The following RUVBL1 variants were observed in gnomAD, a reference collection of about 807,000 sequenced individuals.
The protein encoded by RUVBL1 is RuvB like AAA ATPase 1, also known as ruvB-like 1.
In RUVBL1, 4 loss-of-function variants were observed where a neutral mutation model predicts 52.4. The ratio of observed to expected loss-of-function variants is 0.08; its 90% CI spans 0.04 to 0.17. The LOEUF (loss-of-function observed/expected upper bound fraction) is 0.17. RUVBL1 is among the 10% of genes least tolerant of loss of function. The probability of loss-of-function intolerance (pLI) is 1.00; values close to 1 mark genes in which losing one functional copy is unlikely to be tolerated. For synonymous variants in RUVBL1, 217 were observed against 214.4 expected, an observed-to-expected ratio of 1.01 and a Z score of -0.10; for missense variants, 298 against 572.8, an observed-to-expected ratio of 0.52 and a Z score of 4.90.
intron 8 of RUVBL1, among the ~76,000 whole-genome samples, chr3:128,090,772 CATAA>C (rs1229053454): frequency 6.6e-6 from 1 of 151,976 alleles, no homozygotes; most frequent in Non-Finnish European, 1.5e-5. Flanking sequence ...CTATTTAGGC[CATAA>C]GTGTTTTTTA....
downstream of RUVBL1, among the ~76,000 whole-genome samples, chr3:128,076,983 G>A (rs1401856318): frequency 6.6e-6 from 1 of 152,040 alleles, no homozygotes; most frequent in East Asian, 1.9e-4. The surrounding 1 kb of genome is among the most constrained non-coding windows in gnomAD (Gnocchi z 6.8). Context: ...CGGTGACGGC[G>A]GGTGACGGAG....
intron 3 of RUVBL1, among the ~76,000 whole-genome samples, chr3:128,106,209 C>T (rs147578110): frequency 1.3e-5 from 2 of 152,264 alleles, no homozygotes; most frequent in East Asian, 3.9e-4. Context: ...GCCATAACAA[C>T]AAAACCAATT....
intron 2 of RUVBL1, among the ~76,000 whole-genome samples, chr3:128,114,784 C>G (rs1259781207): frequency 2.0e-5 from 3 of 152,184 alleles, no homozygotes; most frequent in Non-Finnish European, 2.9e-5. Context: ...ATGAGAGGAG[C>G]AGCACTCTAA....
intron 1 of RUVBL1, among the ~76,000 whole-genome samples, chr3:128,135,657 G>C (rs1943937559): frequency 6.6e-6 from 1 of 152,254 alleles, no homozygotes; most frequent in Non-Finnish European, 1.5e-5. Context: ...AACAAGGGCT[G>C]AGGGATTTAA....
In RUVBL1 at chr3:128,087,818, G is replaced by T; in HGVS notation, c.1017-10C>A. The stretch of plus-strand genomic sequence containing the variant: ...GATGTCCTCAGTGCCTCTGTAAGGG[G>T]CAAAATTAATCCCATCACCTAAGCC... On this transcript the variant is annotated splice_polypyrimidine_tract_variant and intron_variant, in intron 8 of 10. Coordinates refer to ENST00000322623, the MANE Select transcript of RUVBL1 (RefSeq NM_003707.3). The T allele has an allele frequency of 6.3e-7, 1 of 1,596,498 alleles. No homozygotes were observed. Among genetic ancestry groups the T allele is most frequent in the Non-Finnish European group, 8.6e-7 (1 of 1,164,966 alleles).
intron 9 of RUVBL1, chr3:128,085,135 T>C (rs1304693635): frequency 6.6e-6 from 1 of 152,208 alleles, no homozygotes; most frequent in African/African-American, 2.4e-5. Flanking sequence ...AGGGTACCTA[T>C]GAAGCACACA....
chr3:128,134,458 CAAAAA>C (rs55972505), intron 1 of RUVBL1, among the ~76,000 whole-genome samples: 2 of 107,558 alleles, frequency 1.9e-5, no homozygotes, highest in Admixed American at 1.0e-4. Flanking sequence ...GTGAAACTGT[CAAAAA>C]AAAAAAAAAA....
Position 128,153,815 on chromosome 3 carries a change from T to A in RUVBL1, c.-652A>T, listed in dbSNP as rs577125673. The A allele has an allele frequency of 4.0e-6, 6 of 1,506,884 alleles. No individual in the cohort carries two copies. In the African/African-American group the frequency reaches 8.8e-5, roughly 22 times the overall value. The allele number at this position is 1,506,884 out of a possible 1,614,324, so 93.3% of individuals were successfully genotyped here. ...GGGCACGCCTCCCTCATCCGGACCATCATCGGCGGTGAGCGCGGGCCGGGG... is the reference window on the plus strand; with the variant it reads ...GGGCACGCCTCCCTCATCCGGACCAACATCGGCGGTGAGCGCGGGCCGGGG... On this transcript the variant is annotated 5_prime_UTR_variant, in exon 1 of 10. Transcript: ENST00000464873.
At chr3:128,069,822 T>A in intron 9 of RUVBL1, 1 of 711,992 alleles carries the variant, frequency 1.4e-6, no homozygotes, top group Non-Finnish European at 2.2e-6. Flanking sequence ...TTTTCCAATT[T>A]AAAATTTTGC....
At chr3:128,073,610 G>A (rs1306233194) in intron 9 of RUVBL1, among the ~76,000 whole-genome samples, 1 of 152,144 alleles carries the variant, frequency 6.6e-6, no homozygotes, top group Non-Finnish European at 1.5e-5. Flanking sequence ...TCACTCCCCT[G>A]CCCCAATCCC....
chr3:128,079,535 G>A (rs1029910584), downstream of RUVBL1, among the ~76,000 whole-genome samples: 1 of 152,182 alleles, frequency 6.6e-6, no homozygotes, highest in South Asian at 2.1e-4. Flanking sequence ...TCTCTCTTCT[G>A]TTTGTCTAAC....
intron 1 of RUVBL1, among the ~76,000 whole-genome samples, chr3:128,142,458 C>T (rs1050205083): frequency 2.0e-5 from 3 of 152,110 alleles, no homozygotes; most frequent in East Asian, 1.9e-4. Flanking sequence ...TCAATAAATA[C>T]GAACATAGAT....
intron 1 of RUVBL1, among the ~76,000 whole-genome samples, chr3:128,146,305 T>C (rs2687726): frequency 7.2e-5 from 11 of 152,124 alleles, no homozygotes; most frequent in Admixed American, 5.2e-4. Flanking sequence ...TCTCTGTGCA[T>C]GTGCGTGCGT....
chr3:128,138,450 C>G (rs1248339253), intron 1 of RUVBL1, among the ~76,000 whole-genome samples: 1 of 151,906 alleles, frequency 6.6e-6, no homozygotes, highest in African/African-American at 2.4e-5. Flanking sequence ...CAAGAAAATC[C>G]CATTTGCAAT....
At chr3:128,106,465 C>T (rs755582996) in intron 3 of RUVBL1, among the ~76,000 whole-genome samples, 1 of 151,920 alleles carries the variant, frequency 6.6e-6, no homozygotes, top group Non-Finnish European at 1.5e-5. Flanking sequence ...GTATCCCCCC[C>T]CCCTTCACAC....
intron 1 of RUVBL1, among the ~76,000 whole-genome samples, chr3:128,136,355 G>T (rs1029880245): frequency 2.6e-5 from 4 of 152,164 alleles, no homozygotes; most frequent in Admixed American, 1.3e-4. Flanking sequence ...AGACCTGCCA[G>T]GTGTGGTGGC....
chr3:128,096,826 C>T lies in RUVBL1; in HGVS notation c.1016+474G>A, dbSNP rs1942987441. Among the ~76,000 whole-genome samples, 2 of 148,378 alleles carry T rather than the reference C, an allele frequency of 1.3e-5. 1 individual carries two copies. Among genetic ancestry groups the T allele is most frequent in the South Asian group, 4.2e-4 (2 of 4,716 alleles). ...TGGGCGACACAGTGAGACTCTGTCC[C>T]CAAAAAAAAAAAGAAAGAAAATGCT... is the stretch of plus-strand genomic sequence containing the variant. On this transcript the variant is annotated intron_variant, in intron 8 of 10. Transcript: ENST00000322623.
intron 9 of RUVBL1, among the ~76,000 whole-genome samples, chr3:128,065,520 T>C (rs1941941630): frequency 6.6e-6 from 1 of 152,156 alleles, no homozygotes; most frequent in Non-Finnish European, 1.5e-5. Context: ...TGTAATTGGA[T>C]TGATCTTTGT....
chr3:128,147,521 T>C (rs1361326618), intron 1 of RUVBL1, among the ~76,000 whole-genome samples: 1 of 152,132 alleles, frequency 6.6e-6, no homozygotes, highest in African/African-American at 2.4e-5. Flanking sequence ...CAGTGAGCTA[T>C]GATTATGCCA....
Sources: allele counts gnomAD v4.1 joint callset (sites outside exome capture counted in the v4.1 genomes callset), GRCh38; gene constraint gnomAD v4.1.1; non-coding constraint Gnocchi (gnomAD v3.1); transcripts MANE v1.5; gene names NCBI Gene and HGNC (gene_info 2026-07-23, HGNC 2026-07-21).